CMTM4: variants seen among roughly 807,000 people sequenced by gnomAD.
The protein encoded by CMTM4 is CKLF-like MARVEL transmembrane domain-containing protein 4.
Under a neutral mutation model 19.0 loss-of-function variants are expected in CMTM4, and 8 were observed. That is an observed-to-expected ratio of 0.42 (90% confidence interval 0.25 to 0.76). The LOEUF is 0.76. Among genes scored for constraint, CMTM4 ranks in the 30% least tolerant of loss-of-function variants. The pLI is 0.27. For synonymous variants in CMTM4, 106 were observed against 121.1 expected (o/e 0.88, Z 0.82); for missense variants, 228 against 290.2 (o/e 0.79, Z 1.56).
intron 1 of CMTM4, among the ~76,000 whole-genome samples, chr16:66,639,189 A>T (rs2016055199): frequency 6.6e-6 from 1 of 152,240 alleles, no homozygotes; most frequent in Admixed American, 6.5e-5. Flanking sequence ...CAAAAGAAAT[A>T]GTTCACATAA....
chr16:66,696,709 G>C lies in CMTM4; in HGVS notation c.-184C>G, dbSNP rs1361372884. The C allele has an allele frequency of 6.2e-6, 1 of 162,464 alleles. No homozygotes were observed. The highest frequency in any genetic ancestry group is 1.3e-5 in the Non-Finnish European group (1 of 79,892). The allele number at this position is 162,464 out of a possible 1,614,324, so 10.1% of individuals were successfully genotyped here. A position where few individuals can be genotyped will look rare whatever the true frequency, so the allele number is the denominator to read the frequency against. The stretch of plus-strand genomic sequence containing the variant: ...GCTGCGGCTGCGGCTCGGTCCGCTC[G>C]GGCTCGGCTCCCGCCGCCTCGGCAG... On this transcript the variant is annotated 5_prime_UTR_variant, in exon 1 of 4. Transcript: ENST00000394106. This position sits in a 1 kb window ranked among gnomAD's most constrained non-coding sequence, Gnocchi z 4.3.
chr16:66,676,084 A>G (rs1485972791), intron 1 of CMTM4, among the ~76,000 whole-genome samples: 4 of 152,174 alleles, frequency 2.6e-5, no homozygotes, highest in Admixed American at 2.6e-4. Context: ...CTGTCAAATT[A>G]TCCTGTTCTC....
chr16:66,635,084 T>C (rs1046942985), intron 2 of CMTM4, among the ~76,000 whole-genome samples: 6 of 152,190 alleles, frequency 3.9e-5, no homozygotes, highest in African/African-American at 9.7e-5. Context: ...CCTGCATCCA[T>C]AGTATGAGCA....
Position 66,696,223 on chromosome 16 carries a change from G to T in CMTM4, c.186+117C>A. On this transcript the variant is annotated intron_variant, in intron 1 of 3. Coordinates refer to ENST00000394106, the MANE Select transcript of CMTM4 (RefSeq NM_181521.3). This position sits in a 1 kb window ranked among gnomAD's most constrained non-coding sequence, Gnocchi z 4.3. ...GGACCCCACGAGGGAGAGGGGGCGC[G>T]AGGAGCGGGCTCCGGCCTGGGCAAG... The T allele has an allele frequency of 1.4e-6, 1 of 689,794 alleles. No homozygotes were observed. Among genetic ancestry groups the T allele is most frequent in the Non-Finnish European group, 2.0e-6 (1 of 499,456 alleles). 42.7% of individuals were successfully genotyped at this position (689,794 alleles called of 1,614,324 possible).
chr16:66,672,482 T>C (rs1202452641), intron 1 of CMTM4, among the ~76,000 whole-genome samples: 1 of 149,696 alleles, frequency 6.7e-6, no homozygotes, highest in Non-Finnish European at 1.5e-5. Flanking sequence ...TATATATATA[T>C]AATATGTATA....
the CMTM4 span, among the ~76,000 whole-genome samples, chr16:66,606,535 G>T: frequency 6.6e-6 from 1 of 152,178 alleles, no homozygotes; most frequent in African/African-American, 2.4e-5. Context: ...CAGTTCATTT[G>T]TCTGAAGCAG....
chr16:66,642,014 AT>A (rs2016105253), intron 1 of CMTM4, among the ~76,000 whole-genome samples: 1 of 152,232 alleles, frequency 6.6e-6, no homozygotes. Flanking sequence ...CCACAATTTA[AT>A]TGATCCCCTA....
the CMTM4 span, chr16:66,609,596 CCTGGGGCAGAGCCTTTCCCTG>C: frequency 6.5e-7 from 1 of 1,526,818 alleles, no homozygotes. This position sits in a 1 kb window ranked among gnomAD's most constrained non-coding sequence, Gnocchi z 4.4. Context: ...TAGGGTGGGA[CCTGGGGCAGAGCCTTTCCCTG>C]CTGGGGCCCC....
At chr16:66,656,784 C>A (rs985361949) in intron 1 of CMTM4, among the ~76,000 whole-genome samples, 6 of 152,098 alleles carry the variant, frequency 3.9e-5, no homozygotes, top group African/African-American at 1.4e-4. Flanking sequence ...GACACATCGT[C>A]CCTTCTGTGG....
chr16:66,657,164 A>G (rs1176597323), intron 1 of CMTM4, among the ~76,000 whole-genome samples: 1 of 150,340 alleles, frequency 6.7e-6, no homozygotes, highest in Non-Finnish European at 1.5e-5. Context: ...AGCTCACTGC[A>G]ACCTCCGCCT....
the CMTM4 span, among the ~76,000 whole-genome samples, chr16:66,605,906 G>C: frequency 2.4e-4 from 36 of 152,162 alleles, no homozygotes; most frequent in Admixed American, 6.5e-4. The surrounding 1 kb of genome is among the most constrained non-coding windows in gnomAD (Gnocchi z 4.6). Flanking sequence ...CCTGCCCAAC[G>C]CCCAAGTGAG....
intron 1 of CMTM4, among the ~76,000 whole-genome samples, chr16:66,661,935 AAAAAT>A (rs969065338): frequency 7.2e-5 from 11 of 152,168 alleles, no homozygotes; most frequent in African/African-American, 1.7e-4. Context: ...TCTGTCTCAA[AAAAAT>A]AAAATAAAAT....
At chr16:66,627,953 C>T (rs1199497981) in intron 2 of CMTM4, among the ~76,000 whole-genome samples, 1 of 152,074 alleles carries the variant, frequency 6.6e-6, no homozygotes, top group Non-Finnish European at 1.5e-5. Flanking sequence ...GGTAGGAGAA[C>T]AGGATGATAA....
At chr16:66,636,654 G>A (rs1468975882) in intron 1 of CMTM4, 73 bp from the exon 2 acceptor site, 1 of 1,244,028 alleles carries the variant, frequency 8.0e-7, no homozygotes, top group East Asian at 2.3e-5. Context: ...TACCTGCCAT[G>A]CTTATATAAC....
the CMTM4 span, among the ~76,000 whole-genome samples, chr16:66,603,320 C>T: frequency 1.3e-5 from 2 of 152,012 alleles, no homozygotes; most frequent in East Asian, 3.9e-4. Context: ...CAGAGTCTTG[C>T]TCTGTCGCCC....
chr16:66,686,096 T>C (rs1220757802), intron 1 of CMTM4, among the ~76,000 whole-genome samples: 1 of 151,306 alleles, frequency 6.6e-6, no homozygotes, highest in Non-Finnish European at 1.5e-5. Flanking sequence ...CTACTAAAAA[T>C]ACAAAAGTTA....
intron 2 of CMTM4, among the ~76,000 whole-genome samples, chr16:66,624,603 C>T (rs1425096555): frequency 6.6e-6 from 1 of 152,120 alleles, no homozygotes; most frequent in Non-Finnish European, 1.5e-5. Context: ...CCCATCTCTA[C>T]TAAAAATACA....
chr16:66,687,138 CT>C (rs35098269), intron 1 of CMTM4, among the ~76,000 whole-genome samples: 57,259 of 131,206 alleles, frequency 0.44, 11,893 homozygotes, highest in Middle Eastern at 0.61. Context: ...GTGCAGAATG[CT>C]TTTTTTTTTT....
rs1380021122 is a variant in CMTM4 at position 66,621,146 on chromosome 16, G to A, written c.*912C>T. ...TAGCACACATCCCTAAAATAGAGGGGTGTGTGTGTGCATGTGTGCGCGCAC... is the reference window on the plus strand; with the variant it reads ...TAGCACACATCCCTAAAATAGAGGGATGTGTGTGTGCATGTGTGCGCGCAC... On this transcript the variant is annotated 3_prime_UTR_variant, in exon 4 of 4. Coordinates refer to ENST00000394106, the MANE Select transcript of CMTM4 (RefSeq NM_181521.3). 2 of 985,630 alleles carry A rather than the reference G, an allele frequency of 2.0e-6. No individual in the cohort carries two copies. The highest frequency in any genetic ancestry group is 2.4e-6 in the Non-Finnish European group (2 of 829,900). 61.1% of individuals were successfully genotyped at this position (985,630 alleles called of 1,614,324 possible). A position where few individuals can be genotyped will look rare whatever the true frequency, so the allele number is the denominator to read the frequency against.
Sources: allele counts gnomAD v4.1 joint callset (sites outside exome capture counted in the v4.1 genomes callset), GRCh38; gene constraint gnomAD v4.1.1; non-coding constraint Gnocchi (gnomAD v3.1); transcripts MANE v1.5; gene names NCBI Gene and HGNC (gene_info 2026-07-23, HGNC 2026-07-21).